The following SGK3 variants were observed in gnomAD, a reference collection of about 807,000 sequenced individuals.
SGK3 encodes serum/glucocorticoid regulated kinase family member 3.
SGK3 carries 47 observed loss-of-function variants against 68.5 expected under a neutral mutation model. The ratio of observed to expected loss-of-function variants is 0.69; its 90% CI spans 0.54 to 0.87. The LOEUF (loss-of-function observed/expected upper bound fraction) is 0.87. SGK3 is among the 40% of genes least tolerant of loss of function. The pLI, the probability that SGK3 is intolerant of heterozygous loss-of-function variation, is 0.00. For synonymous variants in SGK3, 181 were observed against 189.1 expected (o/e 0.96, Z 0.35); for missense variants, 479 against 575.5 (o/e 0.83, Z 1.72).
At chr8:66,822,103 G>A (rs1233470372) in intron 5 of SGK3, among the ~76,000 whole-genome samples, 1 of 150,594 alleles carries the variant, frequency 6.6e-6, no homozygotes, top group Non-Finnish European at 1.5e-5. Flanking sequence ...TATTAGTGAA[G>A]TTAGCCATCT....
rs192799406 is a variant in SGK3, at chr8:66,753,750, C to T, written c.-121-39866C>T. ...CAGGAGAATCACTCGAACCTGGGAG[C>T]GGAGGTTGCAGTGAGCCAAGATCGT... On this transcript the variant is annotated intron_variant, in intron 1 of 16. Coordinates refer to ENST00000521198, the MANE Select transcript of SGK3 (RefSeq NM_001033578.3). Among the ~76,000 whole-genome samples the T allele has an allele frequency of 4.6e-5, 7 of 152,046 alleles. No individual in the cohort carries two copies. The East Asian group carries it at 1.2e-3, about 25-fold the overall frequency.
intron 1 of SGK3, among the ~76,000 whole-genome samples, chr8:66,739,736 C>T (rs954759362): frequency 6.6e-6 from 1 of 152,152 alleles, no homozygotes; most frequent in Non-Finnish European, 1.5e-5. Flanking sequence ...TTAATTGACT[C>T]ACAGTTCAGC....
intron 16 of SGK3, among the ~76,000 whole-genome samples, chr8:66,852,713 A>G (rs1401582892): frequency 6.6e-6 from 1 of 152,208 alleles, no homozygotes; most frequent in Non-Finnish European, 1.5e-5. Flanking sequence ...GTAATATTTT[A>G]CACCTACATA....
chr8:66,847,076 C>G (rs1430449158), intron 14 of SGK3, 117 bp from the exon 15 acceptor site: 2 of 1,427,766 alleles, frequency 1.4e-6, no homozygotes, highest in East Asian at 2.3e-5. Flanking sequence ...GTCTACACGT[C>G]CCAAGAGGTC....
At chr8:66,831,228 T>A in intron 7 of SGK3, 26 bp from the exon 8 acceptor site, 1 of 1,612,484 alleles carries the variant, frequency 6.2e-7, no homozygotes, top group Non-Finnish European at 8.5e-7. Flanking sequence ...TCTAGGAGGC[T>A]AATTCTTATT....
rs937850781 is a variant in SGK3 at position 66,861,398 on chromosome 8, A to G, written c.*1817A>G. 1 of 152,362 alleles carries G rather than the reference A, an allele frequency of 6.6e-6. No homozygotes were observed. The highest frequency in any genetic ancestry group is 3.4e-3 in the Middle Eastern group (1 of 294). The allele number at this position is 152,362 out of a possible 1,614,324, so 9.4% of individuals were successfully genotyped here. A position where few individuals can be genotyped will look rare whatever the true frequency, so the allele number is the denominator to read the frequency against. On this transcript the variant is annotated 3_prime_UTR_variant, in exon 17 of 17. Transcript: ENST00000521198. ...CAAGGCAGGAGGATCACTTGAGCCT[A>G]TGAGTTCAAGACCAGCCTAGGCAAT...
At chr8:66,730,958 G>T (rs1378704070) in intron 1 of SGK3, among the ~76,000 whole-genome samples, 1 of 151,916 alleles carries the variant, frequency 6.6e-6, no homozygotes, top group South Asian at 2.1e-4. Flanking sequence ...AAGTGCTGGG[G>T]TTACAGGCGT....
At chr8:66,725,714 G>A (rs567354841) in intron 1 of SGK3, among the ~76,000 whole-genome samples, 2 of 151,778 alleles carry the variant, frequency 1.3e-5, no homozygotes, top group Non-Finnish European at 2.9e-5. Flanking sequence ...CCATGGCTTT[G>A]TTCTCCTTCA....
chr8:66,821,674 G>A (rs1478208194), intron 5 of SGK3, among the ~76,000 whole-genome samples: 7 of 116,798 alleles, frequency 6.0e-5, no homozygotes, highest in African/African-American at 2.0e-4. Flanking sequence ...CACCACGCCC[G>A]GCTATTTTTT....
intron 1 of SGK3, among the ~76,000 whole-genome samples, chr8:66,776,167 A>C (rs1806703789): frequency 6.6e-6 from 1 of 152,198 alleles, no homozygotes; most frequent in Non-Finnish European, 1.5e-5. Flanking sequence ...ACCGAGTTCC[A>C]CAAGAAAAGG....
At position 66,764,753 on chromosome 8, in the gene SGK3, G is replaced by C. The variant is rs554768674; in HGVS notation, c.-121-28863G>C. Among the ~76,000 whole-genome samples, 3 of 152,324 alleles carry C rather than the reference G, an allele frequency of 2.0e-5. No homozygotes were observed. In the East Asian group the frequency reaches 5.8e-4, roughly 29 times the overall value. ...CTGTTTCCCGTTTCTATGGAGCTAA[G>C]TGTCTGTAACATTATGCTAAATGAA... On this transcript the variant is annotated intron_variant, in intron 1 of 16. Coordinates refer to ENST00000521198, the MANE Select transcript of SGK3 (RefSeq NM_001033578.3).
chr8:66,822,606 C>T (rs1808889615), intron 6 of SGK3, 147 bp downstream of exon 6: 2 of 589,878 alleles, frequency 3.4e-6, no homozygotes, highest in East Asian at 7.0e-5. Context: ...ATGCATATAC[C>T]TCTTACAGAT....
chr8:66,773,986 C>T (rs962588570), intron 1 of SGK3, among the ~76,000 whole-genome samples: 1 of 152,198 alleles, frequency 6.6e-6, no homozygotes, highest in East Asian at 1.9e-4. Context: ...TGAGTGATGC[C>T]GGAGATCCCT....
Position 66,826,705 on chromosome 8 carries a change from C to T in SGK3, c.418-1949C>T, listed in dbSNP as rs182537096. 5.5e-3 allele frequency among the ~76,000 whole-genome samples: 836 copies of T among 151,740 alleles called. 12 individuals are homozygous for T. The highest frequency in any genetic ancestry group is 0.018 in the African/African-American group (751 of 41,184). On this transcript the variant is annotated intron_variant, in intron 6 of 16. Coordinates refer to ENST00000521198, the MANE Select transcript of SGK3 (RefSeq NM_001033578.3). Reference sequence around the variant, plus strand: ...TGTCACCCACGGTGGAATGCAGTGCCGCTATCTCAGCTCACTGCAACCTCT... The same window carrying T: ...TGTCACCCACGGTGGAATGCAGTGCTGCTATCTCAGCTCACTGCAACCTCT...
At chr8:66,760,160 G>T (rs1048897598) in intron 1 of SGK3, among the ~76,000 whole-genome samples, 14 of 152,008 alleles carry the variant, frequency 9.2e-5, no homozygotes, top group Non-Finnish European at 1.9e-4. Context: ...CACTAAGTGA[G>T]TGCCTCAGAA....
intron 3 of SGK3, among the ~76,000 whole-genome samples, chr8:66,800,490 T>C (rs759172583): frequency 4.8e-4 from 73 of 151,282 alleles, no homozygotes; most frequent in Middle Eastern, 3.2e-3. Context: ...ATTTTAAACA[T>C]AGGAATAAAT....
At chr8:66,739,872 A>G (rs1434754702) in intron 1 of SGK3, among the ~76,000 whole-genome samples, 1 of 152,204 alleles carries the variant, frequency 6.6e-6, no homozygotes, top group East Asian at 1.9e-4. Context: ...TTATAAAACC[A>G]TCAGATCTCA....
chr8:66,823,750 T>G (rs1808941276), intron 6 of SGK3, among the ~76,000 whole-genome samples: 1 of 152,208 alleles, frequency 6.6e-6, no homozygotes, highest in Non-Finnish European at 1.5e-5. Context: ...GCTTGTGTCT[T>G]ATTATGAAGA....
At chr8:66,849,638 G>A (rs1004278571) in intron 15 of SGK3, among the ~76,000 whole-genome samples, 3 of 142,580 alleles carry the variant, frequency 2.1e-5, no homozygotes, top group African/African-American at 5.3e-5. Flanking sequence ...CTCTGTCACC[G>A]ATGCTGGAGT....
Sources: allele counts gnomAD v4.1 joint callset (sites outside exome capture counted in the v4.1 genomes callset), GRCh38; gene constraint gnomAD v4.1.1; transcripts MANE v1.5; gene names NCBI Gene and HGNC (gene_info 2026-07-23, HGNC 2026-07-21).